PCDH9: variants seen among roughly 807,000 people sequenced by gnomAD.
PCDH9 encodes protocadherin 9.
PCDH9 carries 24 observed loss-of-function variants against 70.6 expected under a neutral mutation model. The ratio of observed to expected loss-of-function variants is 0.34; its 90% CI spans 0.25 to 0.48. PCDH9 has a LOEUF of 0.48. Among genes scored for constraint, PCDH9 ranks in the 20% least tolerant of loss-of-function variants. The pLI is 0.99. For missense variants in PCDH9, 1,281 were observed against 1,503.6 expected, an observed-to-expected ratio of 0.85 and a Z score of 2.45; for synonymous variants, 562 against 558.5, an observed-to-expected ratio of 1.01 and a Z score of -0.09.
intron 4 of PCDH9, among the ~76,000 whole-genome samples, chr13:66,490,289 A>G (rs1200392970): frequency 6.6e-6 from 1 of 152,150 alleles, no homozygotes; most frequent in Non-Finnish European, 1.5e-5. Flanking sequence ...TTTGACTTTT[A>G]CCAAAAGTTC....
In PCDH9 at chr13:67,019,699, A is replaced by ATCTAAGCT. The variant is rs2084637469; in HGVS notation, c.3037-116095_3037-116094insAGCTTAGA. 2.0e-5 allele frequency among the ~76,000 whole-genome samples: 3 copies of ATCTAAGCT among 152,254 alleles called. No homozygotes were observed. The East Asian group carries it at 5.8e-4, about 29-fold the overall frequency. On this transcript the variant is annotated intron_variant, in intron 2 of 4. Coordinates refer to ENST00000377865, the MANE Select transcript of PCDH9 (RefSeq NM_203487.3). ...GCAAATGCTTAAGGAGATAAGGGGT[A>ATCTAAGCT]ACCTCAAGCTATGGTAGACTAAGGA...
At chr13:66,544,328 T>C (rs1030048459) in intron 4 of PCDH9, among the ~76,000 whole-genome samples, 1 of 152,314 alleles carries the variant, frequency 6.6e-6, no homozygotes, top group South Asian at 2.1e-4. Flanking sequence ...CTGACTCTTA[T>C]ATGAACTTCA....
At chr13:67,036,319 A>G (rs1720674511) in intron 2 of PCDH9, among the ~76,000 whole-genome samples, 1 of 152,088 alleles carries the variant, frequency 6.6e-6, no homozygotes, top group Admixed American at 6.6e-5. Flanking sequence ...ACATTCCTCA[A>G]TTCAGGTTCC....
chr13:67,176,045 C>T (rs1217665134), intron 2 of PCDH9, among the ~76,000 whole-genome samples: 1 of 151,872 alleles, frequency 6.6e-6, no homozygotes, highest in Non-Finnish European at 1.5e-5. Flanking sequence ...CTCATGTAGA[C>T]AATGAAACAA....
At chr13:66,553,358 T>C (rs1961582794) in intron 4 of PCDH9, among the ~76,000 whole-genome samples, 1 of 152,182 alleles carries the variant, frequency 6.6e-6, no homozygotes. Flanking sequence ...TAAATATTCT[T>C]AGAATATATT....
intron 2 of PCDH9, among the ~76,000 whole-genome samples, chr13:67,155,335 AG>A (rs1255615817): frequency 1.3e-5 from 2 of 152,144 alleles, no homozygotes; most frequent in Admixed American, 6.5e-5. Context: ...ATTTGTTATA[AG>A]GTTTTGAAAT....
chr13:66,852,189 G>A (rs900420242), intron 3 of PCDH9, among the ~76,000 whole-genome samples: 3 of 152,002 alleles, frequency 2.0e-5, no homozygotes, highest in Non-Finnish European at 2.9e-5. Context: ...TCAATCCATA[G>A]TAGCTCTATA....
intron 3 of PCDH9, among the ~76,000 whole-genome samples, chr13:66,656,195 T>G (rs1262110482): frequency 6.6e-6 from 1 of 151,810 alleles, no homozygotes; most frequent in Non-Finnish European, 1.5e-5. Context: ...GCTGAGCCTG[T>G]TACTGAACAA....
intron 3 of PCDH9, among the ~76,000 whole-genome samples, chr13:66,673,276 C>A (rs1006476672): frequency 6.6e-6 from 1 of 152,136 alleles, no homozygotes; most frequent in Non-Finnish European, 1.5e-5. Context: ...AGTTCCCCTG[C>A]ACATGCTCTC....
At position 66,380,518 on chromosome 13, in the gene PCDH9, T is replaced by C. The variant is rs553694292; in HGVS notation, c.3341-75490A>G. Among the ~76,000 whole-genome samples the C allele has an allele frequency of 5.1e-5, 7 of 138,588 alleles. No homozygotes were observed. In the East Asian group the frequency reaches 1.5e-3, roughly 31 times the overall value. 90.9% of individuals were successfully genotyped at this position (138,588 alleles called of 152,430 possible). The stretch of plus-strand genomic sequence containing the variant: ...CACATAATGCCGGAAGAAAAAAAAA[T>C]AGAGAATAGATCTTGTCCTTTTTTT... On this transcript the variant is annotated intron_variant, in intron 4 of 4. Coordinates refer to ENST00000377865, the MANE Select transcript of PCDH9 (RefSeq NM_203487.3).
chr13:66,639,426 C>T (rs1231620057), intron 3 of PCDH9, among the ~76,000 whole-genome samples: 3 of 152,100 alleles, frequency 2.0e-5, no homozygotes, highest in African/African-American at 7.2e-5. Context: ...CTTAGGACTC[C>T]CTGTGGTAGA....
rs149083955 is a variant in PCDH9, at chr13:66,372,590, C to T, written c.3341-67562G>A. Among the ~76,000 whole-genome samples the T allele has an allele frequency of 1.8e-3, 275 of 150,966 alleles. 2 individuals are homozygous for T. Among genetic ancestry groups the T allele is most frequent in the African/African-American group, 6.4e-3 (264 of 41,296 alleles). Reference sequence around the variant, plus strand: ...AATGAATGGAGAAGCTTTTAAATATCAAGCAGAAGAACAGCATCAGAGTGG... The same window carrying T: ...AATGAATGGAGAAGCTTTTAAATATTAAGCAGAAGAACAGCATCAGAGTGG... On this transcript the variant is annotated intron_variant, in intron 4 of 4. Transcript: ENST00000377865.
rs549982155 is a variant in PCDH9 at position 66,706,379 on chromosome 13, A to C, written c.3139-74968T>G. On this transcript the variant is annotated intron_variant, in intron 3 of 4. Transcript: ENST00000377865. ...GTTACCAGCTGTGCAAATTTGGACG[A>C]GTTCCTTAACCTGTCTGAAACACTT... 4.6e-5 allele frequency among the ~76,000 whole-genome samples: 7 copies of C among 152,214 alleles called. No individual in the cohort carries two copies. The South Asian group carries it at 1.4e-3, about 32-fold the overall frequency.
At chr13:67,140,919 T>C (rs981326934) in intron 2 of PCDH9, among the ~76,000 whole-genome samples, 2 of 152,188 alleles carry the variant, frequency 1.3e-5, no homozygotes, top group Admixed American at 6.5e-5. Context: ...CGGTCAGTTT[T>C]ATGATCCTAA....
chr13:66,586,912 A>G (rs889773962), intron 4 of PCDH9, among the ~76,000 whole-genome samples: 1 of 152,160 alleles, frequency 6.6e-6, no homozygotes, highest in South Asian at 2.1e-4. Flanking sequence ...TTGTAAAAGT[A>G]AGTAGATTTT....
intron 3 of PCDH9, among the ~76,000 whole-genome samples, chr13:66,876,070 G>T (rs930969055): frequency 6.6e-6 from 1 of 152,106 alleles, no homozygotes; most frequent in Non-Finnish European, 1.5e-5. Flanking sequence ...TATCCATCGT[G>T]CTATCATATG....
rs199817881 is a variant in PCDH9, at chr13:66,828,825, T to TAAA, written c.3138+74678_3138+74679insTTT. ...GCCATACATAAAATAATAATAATAATAATAATAATAACAACAATGTGGGGA... is the reference window on the plus strand; with the variant it reads ...GCCATACATAAAATAATAATAATAATAAAAATAATAATAACAACAATGTGGGGA... On this transcript the variant is annotated intron_variant, in intron 3 of 4. Coordinates refer to ENST00000377865, the MANE Select transcript of PCDH9 (RefSeq NM_203487.3). Among the ~76,000 whole-genome samples the TAAA allele has an allele frequency of 1.2e-3, 165 of 142,768 alleles. 3 individuals carry two copies. The highest frequency in any genetic ancestry group is 4.0e-3 in the African/African-American group (158 of 39,704). 93.7% of individuals were successfully genotyped at this position (142,768 alleles called of 152,430 possible).
intron 4 of PCDH9, among the ~76,000 whole-genome samples, chr13:66,531,527 A>T (rs961205873): frequency 1.3e-5 from 2 of 152,112 alleles, no homozygotes; most frequent in Non-Finnish European, 2.9e-5. Context: ...GGCATGCACC[A>T]ATTTCATTCA....
rs910251028 is a variant in PCDH9, at chr13:67,063,551, C to T, written c.3037-159946G>A. On this transcript the variant is annotated intron_variant, in intron 2 of 4. Coordinates refer to ENST00000377865, the MANE Select transcript of PCDH9 (RefSeq NM_203487.3). ...AAGGCAAAAAAAAAAAATGCTACCA[C>T]ATTCTGATTCTGATAATGGTCACCC... Among the ~76,000 whole-genome samples, 13 of 151,024 alleles carry T rather than the reference C, an allele frequency of 8.6e-5. No homozygotes were observed. In the East Asian group the frequency reaches 1.7e-3, roughly 20 times the overall value.
Sources: allele counts gnomAD v4.1 joint callset (sites outside exome capture counted in the v4.1 genomes callset), GRCh38; gene constraint gnomAD v4.1.1; transcripts MANE v1.5; gene names NCBI Gene and HGNC (gene_info 2026-07-23, HGNC 2026-07-21).